The following GNE variants were observed in gnomAD, a reference collection of about 807,000 sequenced individuals.
GNE encodes the protein bifunctional UDP-N-acetylglucosamine 2-epimerase/N-acetylmannosamine kinase.
In GNE, 41 loss-of-function variants were observed where a neutral mutation model predicts 61.8. That is an observed-to-expected ratio of 0.66 (90% CI 0.52 to 0.86). GNE has a LOEUF of 0.86. Ranked by LOEUF, GNE falls within the 40% of genes least tolerant of loss-of-function variation. The pLI is 0.00. For synonymous variants in GNE, 264 were observed against 326.4 expected (o/e 0.81, Z 2.06); for missense variants, 608 against 909.1 (o/e 0.67, Z 4.26).
At chr9:36,262,451 T>C (rs1184916932), upstream of GNE, among the ~76,000 whole-genome samples, 2 of 152,198 alleles carry the variant, frequency 1.3e-5, no homozygotes, top group Non-Finnish European at 2.9e-5. Flanking sequence ...GTAAATAATA[T>C]TACATTTCTG....
intron 5 of GNE, among the ~76,000 whole-genome samples, chr9:36,229,417 A>G (rs1460524455): frequency 6.6e-6 from 1 of 152,194 alleles, no homozygotes. Context: ...CTAGTCATCT[A>G]TGAGATTCAC....
chr9:36,258,022 C>T (rs990116051), intron 1 of GNE, among the ~76,000 whole-genome samples: 4 of 152,042 alleles, frequency 2.6e-5, no homozygotes, highest in Admixed American at 2.6e-4. Context: ...CAGCATCCCC[C>T]CTGATTGGAC....
At chr9:36,252,190 C>T (rs1314649800) in intron 1 of GNE, among the ~76,000 whole-genome samples, 9 of 151,886 alleles carry the variant, frequency 5.9e-5, no homozygotes, top group African/African-American at 2.2e-4. Context: ...TTTCACCATG[C>T]TAGCCAGACT....
chr9:36,246,188 C>A lies in GNE; in HGVS notation c.459G>T (p.Leu153=). 1 of 1,614,196 alleles carries A rather than the reference C, an allele frequency of 6.2e-7. No individual in the cohort carries two copies. Among genetic ancestry groups the A allele is most frequent in the Non-Finnish European group, 8.5e-7 (1 of 1,180,036 alleles). Residue 153 remains leucine (L), a synonymous_variant, in exon 3 of 12, where the codon CTG becomes CTT. Transcript: ENST00000642385. ...DDSIRHAITK[L]AHYHVCCTRS... The stretch of plus-strand genomic sequence containing the variant: ...GGGTGCAGCACACATGATAATGAGC[C>A]AGTTTTGTTATGGCATGTCTGATAG...
At chr9:36,274,384 T>C (rs1563964787) in intron 1 of GNE, among the ~76,000 whole-genome samples, 2 of 152,096 alleles carry the variant, frequency 1.3e-5, no homozygotes, top group African/African-American at 2.4e-5. Flanking sequence ...ATGTGAGCCA[T>C]TGTGTCAGGC....
intron 5 of GNE, among the ~76,000 whole-genome samples, chr9:36,230,466 CTT>C: frequency 6.9e-6 from 1 of 145,394 alleles, no homozygotes; most frequent in African/African-American, 2.5e-5. Flanking sequence ...ATTTACAAGT[CTT>C]TTTTTTTTTG....
intron 3 of GNE, among the ~76,000 whole-genome samples, chr9:36,237,819 T>A (rs1474217478): frequency 6.6e-6 from 1 of 151,404 alleles, no homozygotes; most frequent in Non-Finnish European, 1.5e-5. Context: ...CCCCTCCTAC[T>A]CTTCCCCCCA....
At chr9:36,258,608 G>T (rs976607852), upstream of GNE, 3 of 712,494 alleles carry the variant, frequency 4.2e-6, no homozygotes, top group South Asian at 6.3e-5. Flanking sequence ...TGAGGCGCAG[G>T]CAGGGTGCTG....
chr9:36,234,209 C>A (rs929359544), intron 4 of GNE, 77 bp from the exon 5 acceptor site: 15 of 1,138,682 alleles, frequency 1.3e-5, no homozygotes, highest in Non-Finnish European at 1.7e-5. Flanking sequence ...GTATAGCCCA[C>A]GTAAAGAAAT....
chr9:36,262,219 C>T (rs1830636595), upstream of GNE, among the ~76,000 whole-genome samples: 1 of 151,866 alleles, frequency 6.6e-6, no homozygotes, highest in Non-Finnish European at 1.5e-5. Flanking sequence ...AATATAAATA[C>T]CTTTAACGGT....
intron 1 of GNE, 30 bp downstream of exon 1, chr9:36,258,291 C>G (rs1830479631): frequency 1.0e-6 from 1 of 983,206 alleles, no homozygotes; most frequent in Non-Finnish European, 1.2e-6. Context: ...GATGCTCTCC[C>G]GGAGTCCCAC....
chr9:36,235,476 G>A (rs1457110111), intron 4 of GNE, among the ~76,000 whole-genome samples: 1 of 151,952 alleles, frequency 6.6e-6, no homozygotes, highest in Non-Finnish European at 1.5e-5. Context: ...ATATACCTGG[G>A]ACCCTTTACT....
chr9:36,227,216 A>C, intron 7 of GNE, 32 bp downstream of exon 7: 1 of 1,367,278 alleles, frequency 7.3e-7, no homozygotes, highest in Non-Finnish European at 1.0e-6. Flanking sequence ...CTCATATGGG[A>C]TATAAAGTTA....
chr9:36,228,202 T>A (rs955245085), intron 6 of GNE, among the ~76,000 whole-genome samples: 8 of 151,836 alleles, frequency 5.3e-5, no homozygotes, highest in East Asian at 1.9e-4. Flanking sequence ...ACTAAAAAAA[T>A]TTTATATAAA....
chr9:36,265,305 C>G (rs1830738336), intron 1 of GNE: 1 of 439,560 alleles, frequency 2.3e-6, no homozygotes, highest in African/African-American at 2.0e-5. Flanking sequence ...GCCAAGAACC[C>G]CAGGTCAGAG....
chr9:36,227,253 T>G lies in GNE; in HGVS notation c.1276A>C (p.Met426Leu), dbSNP rs750404513. 1.9e-6 allele frequency: 3 copies of G among 1,606,496 alleles called. No individual in the cohort carries two copies. The East Asian group carries it at 6.7e-5, about 36-fold the overall frequency. The stretch of plus-strand genomic sequence containing the variant: ...GAGTTTAGGAGTTATTTTACCTTCA[T>G]GCTGACTATTGCAACTCGGAGGTTC... Reference protein sequence around the residue: ...GTNLRVAIVSMKGEIVKKYTQ... With the variant: ...GTNLRVAIVSLKGEIVKKYTQ... The change falls in exon 7 of 12, where the codon ATG becomes CTG. Residue 426 changes from methionine to leucine, a missense_variant. Met to Leu is a conservative substitution (Grantham distance 15, BLOSUM62 2). Transcript: ENST00000642385.
At chr9:36,258,527 C>T, upstream of GNE, 1 of 985,476 alleles carries the variant, frequency 1.0e-6, no homozygotes. Context: ...CGATCGCGCC[C>T]TGACGCCACC....
intron 3 of GNE, among the ~76,000 whole-genome samples, chr9:36,245,432 C>T: frequency 6.6e-6 from 1 of 152,000 alleles, no homozygotes; most frequent in Non-Finnish European, 1.5e-5. Flanking sequence ...CACCTGTAAT[C>T]CCAGCACTTT....
At chr9:36,237,183 A>T (rs556976685) in intron 3 of GNE, among the ~76,000 whole-genome samples, 199 bp from the exon 4 acceptor site, 135 of 152,348 alleles carry the variant, frequency 8.9e-4, no homozygotes, top group African/African-American at 2.9e-3. Context: ...TATTCAGCAA[A>T]CTTAACATTT....
Sources: gnomAD v4.1 joint callset for allele counts (sites outside exome capture counted in the v4.1 genomes callset) on GRCh38, gnomAD v4.1.1 for gene constraint, MANE v1.5 for transcripts, NCBI Gene and HGNC (gene_info 2026-07-23, HGNC 2026-07-21) for gene names.